Variants in EPCIP observed in about 807,000 individuals in gnomAD.
EPCIP encodes the protein exosomal polycystin-1-interacting protein.
At chr21:32,802,279 G>A in the EPCIP span, among the ~76,000 whole-genome samples, 1 of 152,160 alleles carries the variant, frequency 6.6e-6, no homozygotes, top group Non-Finnish European at 1.5e-5. Context: ...TACACAAACT[G>A]TAGCATTTTT....
chr21:32,810,681 C>T, the EPCIP span: 2 of 471,450 alleles, frequency 4.2e-6, no homozygotes, highest in Non-Finnish European at 8.8e-6. Context: ...CACCTAGATG[C>T]TGATGGTGAA....
At chr21:32,799,589 T>C in the EPCIP span, among the ~76,000 whole-genome samples, 5 of 152,186 alleles carry the variant, frequency 3.3e-5, no homozygotes, top group Non-Finnish European at 5.9e-5. Context: ...TTCTGACTCT[T>C]GAGCCTTTCA....
At chr21:32,810,406 C>T in the EPCIP span, among the ~76,000 whole-genome samples, 2 of 150,972 alleles carry the variant, frequency 1.3e-5, no homozygotes, top group Non-Finnish European at 3.0e-5. Context: ...CAGGCGCCCA[C>T]CACCATGCCC....
chr21:32,794,166 C>T, the EPCIP span: 7 of 1,614,224 alleles, frequency 4.3e-6, no homozygotes, highest in African/African-American at 4.0e-5. Flanking sequence ...GCAGATGTGT[C>T]CGTGAACCAG....
the EPCIP span, among the ~76,000 whole-genome samples, chr21:32,805,424 C>T: frequency 2.0e-5 from 3 of 151,764 alleles, no homozygotes; most frequent in African/African-American, 7.3e-5. Context: ...TGCAGTGGCA[C>T]GATCTTGGCT....
the EPCIP span, among the ~76,000 whole-genome samples, chr21:32,801,001 C>G: frequency 1.3e-5 from 2 of 152,154 alleles, no homozygotes; most frequent in African/African-American, 4.8e-5. Context: ...CTTTAGCACA[C>G]TGTTGGACTT....
At chr21:32,805,453 C>T in the EPCIP span, among the ~76,000 whole-genome samples, 7 of 151,938 alleles carry the variant, frequency 4.6e-5, no homozygotes, top group African/African-American at 1.7e-4. Context: ...TCTTTGCATC[C>T]CGTGTTCAAG....
the EPCIP span, among the ~76,000 whole-genome samples, chr21:32,808,626 A>G: frequency 6.6e-6 from 1 of 152,244 alleles, no homozygotes; most frequent in African/African-American, 2.4e-5. Flanking sequence ...GGGAATGATG[A>G]CTAAAGGTAA....
chr21:32,794,295 A>G, the EPCIP span: 2 of 1,614,288 alleles, frequency 1.2e-6, no homozygotes, highest in Admixed American at 1.7e-5. Flanking sequence ...GAACAGCTGC[A>G]GTTCCGAATG....
chr21:32,793,737 C>A, the EPCIP span: 1 of 1,610,428 alleles, frequency 6.2e-7, no homozygotes. Flanking sequence ...GCCAAAGTTC[C>A]AGGCAGCTGG....
the EPCIP span, among the ~76,000 whole-genome samples, chr21:32,800,029 G>T: frequency 6.6e-6 from 1 of 152,166 alleles, no homozygotes; most frequent in Non-Finnish European, 1.5e-5. Context: ...ATTTTTAATT[G>T]CTATAAGGAT....
At chr21:32,802,330 A>G in the EPCIP span, among the ~76,000 whole-genome samples, 4 of 152,370 alleles carry the variant, frequency 2.6e-5, no homozygotes, top group East Asian at 7.7e-4. Context: ...GAAAGTTTGA[A>G]TATTTTCAGC....
the EPCIP span, among the ~76,000 whole-genome samples, chr21:32,800,097 A>G: frequency 2.0e-5 from 3 of 152,240 alleles, no homozygotes; most frequent in Non-Finnish European, 2.9e-5. Flanking sequence ...TGTTAGGACT[A>G]TAGAGCTCAG....
At chr21:32,793,414 A>T in the EPCIP span, 1 of 342,020 alleles carries the variant, frequency 2.9e-6, no homozygotes, top group African/African-American at 2.1e-5. Flanking sequence ...GAGCTCCACT[A>T]AGCAGTCTCT....
chr21:32,793,358 A>G, the EPCIP span, among the ~76,000 whole-genome samples: 1 of 152,202 alleles, frequency 6.6e-6, no homozygotes, highest in African/African-American at 2.4e-5. Context: ...AAATTAAGGC[A>G]GTATTTTGAA....
the EPCIP span, among the ~76,000 whole-genome samples, chr21:32,793,226 G>A: frequency 6.6e-6 from 1 of 152,070 alleles, no homozygotes; most frequent in Admixed American, 6.6e-5. Flanking sequence ...CAAAGTGCTG[G>A]GATTACAGGT....
the EPCIP span, chr21:32,794,152 C>T: frequency 6.2e-7 from 1 of 1,614,222 alleles, no homozygotes; most frequent in South Asian, 1.1e-5. Flanking sequence ...GCAGGTGGCC[C>T]AGCGCAGATG....
chr21:32,794,351 G>A, the EPCIP span: 1 of 1,614,238 alleles, frequency 6.2e-7, no homozygotes, highest in Non-Finnish European at 8.5e-7. Context: ...CTGACCTTTG[G>A]TGAAGCAGTT....
the EPCIP span, among the ~76,000 whole-genome samples, chr21:32,806,597 C>A: frequency 2.5e-4 from 38 of 152,292 alleles, no homozygotes; most frequent in Non-Finnish European, 4.0e-4. Flanking sequence ...GCTGGTGAAG[C>A]CAGGAGCTCT....
Sources: allele counts gnomAD v4.1 joint callset (sites outside exome capture counted in the v4.1 genomes callset), GRCh38; gene constraint gnomAD v4.1.1; transcripts MANE v1.5; gene names NCBI Gene and HGNC (gene_info 2026-07-23, HGNC 2026-07-21).